The following JPH2 variants were observed in gnomAD, a reference collection of about 807,000 sequenced individuals.
JPH2 encodes the protein junctophilin 2, also known as junctophilin-2.
A neutral mutation model predicts 55.9 loss-of-function variants in JPH2; 38 were observed. The observed-to-expected ratio is 0.68, with a 90% CI of 0.52 to 0.89. The LOEUF (loss-of-function observed/expected upper bound fraction) is 0.89. Among genes scored for constraint, JPH2 ranks in the 40% least tolerant of loss-of-function variants. The pLI is 0.00. For synonymous variants in JPH2, 480 were observed against 472.4 expected (o/e 1.02, Z -0.21); for missense variants, 964 against 1,037.6 (o/e 0.93, Z 0.97).
chr20:44,158,249 A>G (rs1293110786), intron 2 of JPH2, among the ~76,000 whole-genome samples: 1 of 152,210 alleles, frequency 6.6e-6, no homozygotes, highest in Non-Finnish European at 1.5e-5. Flanking sequence ...GGAGGAGTAG[A>G]GGTTAAGTGA....
At chr20:44,122,912 G>A (rs532501244) in intron 2 of JPH2, among the ~76,000 whole-genome samples, 2 of 152,218 alleles carry the variant, frequency 1.3e-5, no homozygotes, top group Admixed American at 1.3e-4. Flanking sequence ...GGAGGAGGAG[G>A]GAAAGGGCTG....
At chr20:44,177,392 C>G (rs569297994) in intron 1 of JPH2, 1 of 987,670 alleles carries the variant, frequency 1.0e-6, no homozygotes, top group African/African-American at 1.7e-5. Context: ...CAAGCAAGCT[C>G]GATGAATCCC....
chr20:44,159,896 G>A lies in JPH2; in HGVS notation c.891C>T (p.Asn297=), dbSNP rs796364747. ...TTETYMGEWK[N]DKRSGFGVSE... ...TCACGCCGAAGCCCGAGCGTTTGTC[G>A]TTCTTCCACTCGCCCATGTAGGTCT... is the stretch of plus-strand genomic sequence containing the variant. Residue 297 remains asparagine, a synonymous_variant, in exon 2 of 6, where the codon AAC becomes AAT. Coordinates refer to ENST00000372980, the MANE Select transcript of JPH2 (RefSeq NM_020433.5). The surrounding 1 kb of genome is among the most constrained non-coding windows in gnomAD (Gnocchi z 5.7). 4 of 1,613,230 alleles carry A rather than the reference G, an allele frequency of 2.5e-6. No homozygotes were observed. Among genetic ancestry groups the A allele is most frequent in the Non-Finnish European group, 3.4e-6 (4 of 1,179,784 alleles).
Position 44,116,392 on chromosome 20 carries a change from AG to A in JPH2, c.1289-7del, listed in dbSNP as rs1169681483. The A allele has an allele frequency of 1.3e-6, 2 of 1,546,918 alleles. No homozygotes were observed. Among genetic ancestry groups the A allele is most frequent in the Non-Finnish European group, 8.7e-7 (1 of 1,146,534 alleles). On this transcript the variant is annotated splice_region_variant and splice_polypyrimidine_tract_variant and intron_variant, in intron 3 of 5. Transcript: ENST00000372980. Reference sequence around the variant, plus strand: ...GCGCTTCTGATATTCCGGACCTGCCAGGGCAACACAGGGAGGCTGGGCTCGA... The same window carrying A: ...GCGCTTCTGATATTCCGGACCTGCCAGGCAACACAGGGAGGCTGGGCTCGA...
intron 3 of JPH2, 110 bp downstream of exon 3, chr20:44,118,395 C>T (rs2072208937): frequency 1.1e-6 from 1 of 870,690 alleles, no homozygotes; most frequent in African/African-American, 1.6e-5. Flanking sequence ...GTTTCTGAGA[C>T]TCACGGGCAT....
chr20:44,172,868 G>A (rs1269516426), intron 1 of JPH2, among the ~76,000 whole-genome samples: 46 of 152,142 alleles, frequency 3.0e-4, no homozygotes, highest in Admixed American at 3.0e-3. Context: ...CAACTGTGGT[G>A]CAAGTGAGAA....
chr20:44,129,416 G>A (rs897959021), intron 2 of JPH2, among the ~76,000 whole-genome samples: 1 of 152,148 alleles, frequency 6.6e-6, no homozygotes, highest in Admixed American at 6.5e-5. Flanking sequence ...TTTGCTGGGC[G>A]CAGTGGTGCG....
At chr20:44,150,772 T>A (rs533670902) in intron 2 of JPH2, among the ~76,000 whole-genome samples, 26 of 152,338 alleles carry the variant, frequency 1.7e-4, no homozygotes, top group African/African-American at 6.3e-4. Flanking sequence ...ATGCCTGTAA[T>A]CCCAGCACTT....
rs1468698682 is a variant in JPH2, at chr20:44,108,644, AAAAG to A, written c.*4870_*4873del. On this transcript the variant is annotated 3_prime_UTR_variant, in exon 6 of 6. Transcript: ENST00000372980. ...TGAGACTCTGTCTCAAAAAAAAAAA[AAAAG>A]AAAAGAGGAAGAAGAAGTGACTGTA... is the stretch of plus-strand genomic sequence containing the variant. 5.3e-5 allele frequency among the ~76,000 whole-genome samples: 8 copies of A among 151,118 alleles called. No individual in the cohort carries two copies. Among genetic ancestry groups the A allele is most frequent in the African/African-American group, 2.0e-4 (8 of 40,874 alleles).
At chr20:44,171,672 C>T (rs573486140) in intron 1 of JPH2, among the ~76,000 whole-genome samples, 11 of 152,270 alleles carry the variant, frequency 7.2e-5, no homozygotes, top group African/African-American at 2.6e-4. Context: ...CCTGCCTGTG[C>T]GGCCTCCCCT....
chr20:44,168,922 G>A (rs2072677034), intron 1 of JPH2, among the ~76,000 whole-genome samples: 1 of 152,184 alleles, frequency 6.6e-6, no homozygotes, highest in South Asian at 2.1e-4. Flanking sequence ...CCTTGGGGGT[G>A]AGTGAGTTTC....
At chr20:44,162,618 G>A (rs900422717) in intron 1 of JPH2, among the ~76,000 whole-genome samples, 5 of 151,366 alleles carry the variant, frequency 3.3e-5, no homozygotes, top group Non-Finnish European at 7.4e-5. Flanking sequence ...GATGCTTCCT[G>A]CCCTCGAACA....
chr20:44,120,546 T>C (rs2072227893), intron 2 of JPH2, among the ~76,000 whole-genome samples: 1 of 151,968 alleles, frequency 6.6e-6, no homozygotes, highest in African/African-American at 2.4e-5. Flanking sequence ...GAAAAGAAAA[T>C]TGAAGTGCAA....
chr20:44,186,862 GAGCCCCGGCGCCAAGTC>G lies in JPH2; in HGVS notation c.-174_-158del. Reference sequence around the variant, plus strand: ...AGCAGGATGCCAGCAGAGGCTGAAAGAGCCCCGGCGCCAAGTCAGCACCGGGTCGGCTAGTCAGTGCC... The same window carrying G: ...AGCAGGATGCCAGCAGAGGCTGAAAGAGCACCGGGTCGGCTAGTCAGTGCC... On this transcript the variant is annotated 5_prime_UTR_variant, in exon 1 of 6. An upstream open reading frame in the 5' UTR loses its in-frame stop. Coordinates refer to ENST00000372980, the MANE Select transcript of JPH2 (RefSeq NM_020433.5). 1 of 730,846 alleles carries G rather than the reference GAGCCCCGGCGCCAAGTC, an allele frequency of 1.4e-6. No individual in the cohort carries two copies. Among genetic ancestry groups the G allele is most frequent in the East Asian group, 2.7e-5 (1 of 37,188 alleles). The allele number at this position is 730,846 out of a possible 1,614,324, so 45.3% of individuals were successfully genotyped here. A position where few individuals can be genotyped will look rare whatever the true frequency, so the allele number is the denominator to read the frequency against.
At chr20:44,158,602 A>G (rs1275488676) in intron 2 of JPH2, among the ~76,000 whole-genome samples, 1 of 152,240 alleles carries the variant, frequency 6.6e-6, no homozygotes. Flanking sequence ...CAACATTAGA[A>G]CTTTATCTGA....
At chr20:44,149,792 A>G (rs2425622) in intron 2 of JPH2, among the ~76,000 whole-genome samples, 68,540 of 151,970 alleles carry the variant, frequency 0.45, 16,606 homozygotes, top group Admixed American at 0.54. Context: ...AGTCTGGCCA[A>G]CATGGCGAAA....
At chr20:44,141,987 C>A (rs764967254) in intron 2 of JPH2, among the ~76,000 whole-genome samples, 1 of 152,162 alleles carries the variant, frequency 6.6e-6, no homozygotes, top group Non-Finnish European at 1.5e-5. Context: ...GGCGAGCTCC[C>A]CATGCCTGGA....
intron 1 of JPH2, among the ~76,000 whole-genome samples, chr20:44,170,110 G>A (rs1000570272): frequency 2.6e-5 from 4 of 152,182 alleles, no homozygotes; most frequent in East Asian, 1.9e-4. Flanking sequence ...GAGAAGGAAC[G>A]AGGACTAGCT....
chr20:44,163,406 G>A (rs1403380884), intron 1 of JPH2, among the ~76,000 whole-genome samples: 2 of 152,230 alleles, frequency 1.3e-5, no homozygotes, highest in South Asian at 4.1e-4. Flanking sequence ...CTTTGGAGGC[G>A]AAGGAGGGCA....
Sources: allele counts gnomAD v4.1 joint callset (sites outside exome capture counted in the v4.1 genomes callset), GRCh38; gene constraint gnomAD v4.1.1; non-coding constraint Gnocchi (gnomAD v3.1); transcripts MANE v1.5; gene names NCBI Gene and HGNC (gene_info 2026-07-23, HGNC 2026-07-21).